The following STK32B variants were observed in gnomAD, a reference collection of about 807,000 sequenced individuals.
STK32B encodes the protein serine/threonine-protein kinase 32B.
Under a neutral mutation model 52.6 loss-of-function variants are expected in STK32B, and 43 were observed. The ratio of observed to expected loss-of-function variants is 0.82; its 90% CI spans 0.64 to 1.05. The LOEUF is 1.05. Among genes scored for constraint, STK32B ranks in the 50% least tolerant of loss-of-function variants. STK32B has a pLI of 0.00. For missense variants in STK32B, 621 were observed against 534.6 expected (o/e 1.16, Z -1.59); for synonymous variants, 238 against 204.3 (o/e 1.17, Z -1.41).
At chr4:5,456,005 C>G (rs1442551374) in intron 7 of STK32B, among the ~76,000 whole-genome samples, 1 of 151,946 alleles carries the variant, frequency 6.6e-6, no homozygotes, top group Non-Finnish European at 1.5e-5. Flanking sequence ...CATCTTGGAC[C>G]GCAGTTCAGC....
intron 3 of STK32B, among the ~76,000 whole-genome samples, chr4:5,328,052 G>T (rs115767170): frequency 1.3e-5 from 2 of 152,088 alleles, no homozygotes; most frequent in South Asian, 4.1e-4. Context: ...ACCAACCTTT[G>T]CTAGCTTCCA....
At chr4:5,226,283 G>T (rs1441272659) in intron 3 of STK32B, among the ~76,000 whole-genome samples, 1 of 151,970 alleles carries the variant, frequency 6.6e-6, no homozygotes, top group East Asian at 1.9e-4. Context: ...TTTCCTCCAC[G>T]TTGCATTTGT....
intron 3 of STK32B, among the ~76,000 whole-genome samples, chr4:5,245,668 C>T (rs10015338): frequency 0.07 from 10,649 of 152,048 alleles, 529 homozygotes; most frequent in African/African-American, 0.14. Context: ...TTCCTAGCCT[C>T]GATGGTCTTT....
intron 3 of STK32B, among the ~76,000 whole-genome samples, chr4:5,179,529 A>G (rs953359565): frequency 6.6e-6 from 1 of 152,370 alleles, no homozygotes; most frequent in Non-Finnish European, 1.5e-5. Context: ...TAGATGATAC[A>G]TAAATGATAG....
At position 5,408,254 on chromosome 4, in the gene STK32B, A is replaced by G. The variant is rs925536094; in HGVS notation, c.473-8591A>G. ...CCCCCAAATCTCATGTCAAATGGTAATCTCCAGTGTTGGAGGTGGGGCCTG... is the reference window on the plus strand; with the variant it reads ...CCCCCAAATCTCATGTCAAATGGTAGTCTCCAGTGTTGGAGGTGGGGCCTG... On this transcript the variant is annotated intron_variant, in intron 5 of 11. Coordinates refer to ENST00000282908, the MANE Select transcript of STK32B (RefSeq NM_018401.3). Among the ~76,000 whole-genome samples the G allele has an allele frequency of 3.9e-5, 6 of 152,082 alleles. No individual in the cohort carries two copies. The South Asian group carries it at 8.3e-4, about 21-fold the overall frequency.
At chr4:5,170,888 G>C (rs572727882) in intron 3 of STK32B, among the ~76,000 whole-genome samples, 1 of 152,318 alleles carries the variant, frequency 6.6e-6, no homozygotes, top group African/African-American at 2.4e-5. Flanking sequence ...TCGCCACATT[G>C]ACCTCCACAA....
At chr4:5,280,323 A>T (rs28840751) in intron 3 of STK32B, among the ~76,000 whole-genome samples, 1,737 of 152,198 alleles carry the variant, frequency 0.011, 22 homozygotes, top group South Asian at 0.057. Flanking sequence ...TAAGTTCCTC[A>T]TCTCCATCTG....
At chr4:5,340,064 A>T (rs1342503667) in intron 4 of STK32B, among the ~76,000 whole-genome samples, 1 of 152,204 alleles carries the variant, frequency 6.6e-6, no homozygotes, top group Non-Finnish European at 1.5e-5. Flanking sequence ...GTCCAAAACA[A>T]ATTGTTTTAA....
chr4:5,371,584 C>G (rs575612329), intron 4 of STK32B, among the ~76,000 whole-genome samples: 2 of 152,130 alleles, frequency 1.3e-5, no homozygotes, highest in Admixed American at 6.5e-5. Flanking sequence ...CAGGCCCAGC[C>G]GGCTGAAGGG....
intron 11 of STK32B, among the ~76,000 whole-genome samples, chr4:5,475,010 C>T (rs1029783567): frequency 1.2e-4 from 18 of 152,076 alleles, no homozygotes; most frequent in East Asian, 7.7e-4. Flanking sequence ...AGTGACCTGA[C>T]GCAGCGGGAG....
At chr4:5,343,888 T>A (rs1357089940) in intron 4 of STK32B, among the ~76,000 whole-genome samples, 1 of 152,256 alleles carries the variant, frequency 6.6e-6, no homozygotes, top group Non-Finnish European at 1.5e-5. Context: ...TGAAGTCTTA[T>A]ATGTTATGTT....
chr4:5,143,101 C>CTCTGTCTGTCTGTCTG (rs3072779), intron 2 of STK32B, among the ~76,000 whole-genome samples: 4,992 of 135,652 alleles, frequency 0.037, 121 homozygotes, highest in East Asian at 0.086. Context: ...CTGTCTCTGT[C>CTCTGTCTGTCTGTCTG]TCTGTCTGTC....
At chr4:5,434,487 A>G (rs1577491056) in intron 6 of STK32B, among the ~76,000 whole-genome samples, 1 of 150,216 alleles carries the variant, frequency 6.7e-6, no homozygotes, top group African/African-American at 2.4e-5. Flanking sequence ...TTTTATATTC[A>G]GCATGTTTAT....
chr4:5,131,606 C>T (rs1005767943), intron 1 of STK32B, among the ~76,000 whole-genome samples: 1 of 152,146 alleles, frequency 6.6e-6, no homozygotes, highest in African/African-American at 2.4e-5. Context: ...CACAGCAGTC[C>T]AGCCATCCTT....
At chr4:5,241,796 A>G (rs1297432473) in intron 3 of STK32B, among the ~76,000 whole-genome samples, 2 of 152,018 alleles carry the variant, frequency 1.3e-5, no homozygotes, top group African/African-American at 4.8e-5. Context: ...CTCATTGTTC[A>G]ATTCCCACTT....
chr4:5,178,047 G>A (rs1720061181), intron 3 of STK32B, among the ~76,000 whole-genome samples: 1 of 152,270 alleles, frequency 6.6e-6, no homozygotes, highest in South Asian at 2.1e-4. Flanking sequence ...CAGTGCCCCA[G>A]TGGGGACTCT....
intron 1 of STK32B, among the ~76,000 whole-genome samples, chr4:5,104,830 A>G (rs1474876458): frequency 6.6e-6 from 1 of 152,198 alleles, no homozygotes; most frequent in Non-Finnish European, 1.5e-5. Flanking sequence ...ATGTTCATGC[A>G]TGTTGCATGT....
chr4:5,191,668 C>T (rs1176775044), intron 3 of STK32B, among the ~76,000 whole-genome samples: 7 of 152,140 alleles, frequency 4.6e-5, no homozygotes, highest in Admixed American at 1.3e-4. Context: ...TCCTGCTCAG[C>T]GAGTCTGAAA....
intron 4 of STK32B, among the ~76,000 whole-genome samples, chr4:5,393,812 G>C (rs1560377606): frequency 1.3e-5 from 2 of 152,132 alleles, no homozygotes; most frequent in Non-Finnish European, 1.5e-5. Context: ...CACTCACCCA[G>C]GGCAGCGTTC....
Sources: gnomAD v4.1 joint callset for allele counts (sites outside exome capture counted in the v4.1 genomes callset) on GRCh38, gnomAD v4.1.1 for gene constraint, MANE v1.5 for transcripts, NCBI Gene and HGNC (gene_info 2026-07-23, HGNC 2026-07-21) for gene names.